DST: variants seen among roughly 807,000 people sequenced by gnomAD.
DST encodes the protein bullous pemphigoid antigen.
In DST, 253 loss-of-function variants were observed where a neutral mutation model predicts 875.2. That is an observed-to-expected ratio of 0.29 (90% CI 0.26 to 0.32). DST has a LOEUF of 0.32. Ranked by LOEUF, DST falls within the 10% of genes least tolerant of loss-of-function variation. The probability of loss-of-function intolerance (pLI) is 1.00; values close to 1 mark genes in which losing one functional copy is unlikely to be tolerated. For synonymous variants in DST, 3,124 were observed against 3,197.1 expected (o/e 0.98, Z 0.77); for missense variants, 8,287 against 9,111.6 (o/e 0.91, Z 3.68).
intron 9 of DST, among the ~76,000 whole-genome samples, chr6:56,698,880 G>A (rs1588819349): frequency 6.6e-6 from 1 of 152,168 alleles, no homozygotes; most frequent in East Asian, 1.9e-4. Context: ...GTGATGTTGA[G>A]GTTTGGGGTA....
At chr6:56,870,245 C>T (rs1168097030) in intron 3 of DST, among the ~76,000 whole-genome samples, 1 of 151,900 alleles carries the variant, frequency 6.6e-6, no homozygotes, top group East Asian at 1.9e-4. Flanking sequence ...AGAGAGCTCA[C>T]TAAAATGCTA....
chr6:56,615,101 A>G (rs2098599834), intron 36 of DST: 3 of 1,031,838 alleles, frequency 2.9e-6, no homozygotes, highest in Admixed American at 5.0e-5. Flanking sequence ...GAACGAATTT[A>G]TATCTTTCTC....
At chr6:56,525,997 C>A (rs1020823299) in intron 69 of DST, among the ~76,000 whole-genome samples, 1 of 152,192 alleles carries the variant, frequency 6.6e-6, no homozygotes. Flanking sequence ...CATAACAATT[C>A]ACAGTATTTA....
intron 49 of DST, among the ~76,000 whole-genome samples, chr6:56,582,633 T>TACCCTGCAC (rs2098034605): frequency 6.6e-6 from 1 of 151,438 alleles, no homozygotes; most frequent in Non-Finnish European, 1.5e-5. Context: ...TTAGGGTACG[T>TACCCTGCAC]GTGCACAATG....
At chr6:56,570,374 T>C (rs1385091074) in intron 53 of DST, among the ~76,000 whole-genome samples, 1 of 152,178 alleles carries the variant, frequency 6.6e-6, no homozygotes, top group East Asian at 1.9e-4. Context: ...AGCCTGAGCT[T>C]GTTTTCCTGA....
chr6:56,556,020 G>A (rs2097409989), intron 59 of DST, among the ~76,000 whole-genome samples, 180 bp from the exon 60 acceptor site: 1 of 152,112 alleles, frequency 6.6e-6, no homozygotes, highest in Non-Finnish European at 1.5e-5. Flanking sequence ...GAGCCACAGT[G>A]CTTCACAGAG....
intron 10 of DST, among the ~76,000 whole-genome samples, chr6:56,658,450 A>T (rs900160627): frequency 7.2e-5 from 11 of 152,172 alleles, no homozygotes; most frequent in Admixed American, 6.5e-4. Flanking sequence ...GTGTATGAGT[A>T]TGGGAGGGGG....
chr6:56,531,546 T>C (rs547772617), intron 64 of DST, among the ~76,000 whole-genome samples: 6 of 152,274 alleles, frequency 3.9e-5, no homozygotes, highest in Admixed American at 2.0e-4. Flanking sequence ...TACTCTGTAT[T>C]TGAAGTTTAG....
intron 5 of DST, among the ~76,000 whole-genome samples, chr6:56,728,514 A>G (rs1054780406): frequency 2.6e-5 from 4 of 152,124 alleles, no homozygotes; most frequent in African/African-American, 9.7e-5. Context: ...TCTCTATTAA[A>G]AAATACTAAA....
intron 64 of DST, among the ~76,000 whole-genome samples, chr6:56,532,048 C>A: frequency 6.6e-6 from 1 of 152,138 alleles, no homozygotes; most frequent in East Asian, 1.9e-4. Context: ...ACCCCTATAA[C>A]ACAAGACCTA....
chr6:56,911,138 G>A (rs1592376704), intron 2 of DST, among the ~76,000 whole-genome samples: 1 of 152,162 alleles, frequency 6.6e-6, no homozygotes, highest in Non-Finnish European at 1.5e-5. Context: ...TTTTTGCTTT[G>A]AGAGTCTGAG....
intron 85 of DST, among the ~76,000 whole-genome samples, chr6:56,490,970 G>C (rs1337007933): frequency 6.6e-6 from 1 of 152,138 alleles, no homozygotes; most frequent in Non-Finnish European, 1.5e-5. Context: ...ATGAGCAACT[G>C]GCTACTGATA....
intron 10 of DST, among the ~76,000 whole-genome samples, chr6:56,668,120 G>A (rs903809769): frequency 6.6e-6 from 1 of 152,140 alleles, no homozygotes; most frequent in African/African-American, 2.4e-5. Context: ...CACCCTCAAA[G>A]ATGCACTGTT....
chr6:56,628,669 A>G (rs554325209), intron 32 of DST, among the ~76,000 whole-genome samples: 3 of 152,370 alleles, frequency 2.0e-5, no homozygotes, highest in Admixed American at 6.5e-5. Context: ...ATATTTGAAC[A>G]TAATTTTACT....
intron 2 of DST, among the ~76,000 whole-genome samples, chr6:56,901,777 C>T (rs1794250181): frequency 1.3e-5 from 2 of 152,088 alleles, no homozygotes; most frequent in African/African-American, 4.8e-5. Flanking sequence ...ATAAGGACAA[C>T]TCAGACAACG....
chr6:56,732,062 T>C (rs565765729), intron 5 of DST, among the ~76,000 whole-genome samples: 2 of 152,356 alleles, frequency 1.3e-5, no homozygotes, highest in Non-Finnish European at 2.9e-5. Context: ...ACTAAAAATC[T>C]TGAAATTTTT....
chr6:56,731,709 T>A (rs2099499287), intron 5 of DST, among the ~76,000 whole-genome samples: 1 of 152,204 alleles, frequency 6.6e-6, no homozygotes, highest in Admixed American at 6.5e-5. Flanking sequence ...CTCTTATTGA[T>A]GAACATGTAG....
At chr6:56,584,328 C>T (rs2098096351) in intron 49 of DST, among the ~76,000 whole-genome samples, 1 of 151,968 alleles carries the variant, frequency 6.6e-6, no homozygotes, top group South Asian at 2.1e-4. Context: ...AAGTTGGATT[C>T]CTAAGTATTT....
intron 4 of DST, among the ~76,000 whole-genome samples, chr6:56,826,614 T>C (rs1401063176): frequency 6.6e-6 from 1 of 152,184 alleles, no homozygotes; most frequent in Admixed American, 6.5e-5. Context: ...TGCCTTTTAA[T>C]TTTCCTTTAA....
Sources: gnomAD v4.1 joint callset for allele counts (sites outside exome capture counted in the v4.1 genomes callset) on GRCh38, gnomAD v4.1.1 for gene constraint, MANE v1.5 for transcripts, NCBI Gene and HGNC (gene_info 2026-07-23, HGNC 2026-07-21) for gene names.